Variants in MYH11 observed in about 807,000 individuals in gnomAD.
The protein encoded by MYH11 is myosin-11.
MYH11 carries 80 observed loss-of-function variants against 246.6 expected under a neutral mutation model. That is an observed-to-expected ratio of 0.32 (90% CI 0.27 to 0.39). The LOEUF is 0.39. Ranked by LOEUF, MYH11 falls within the 10% of genes least tolerant of loss-of-function variation. The pLI is 1.00. For missense variants in MYH11, 2,158 were observed against 2,546.8 expected (o/e 0.85, Z 3.29); for synonymous variants, 1,071 against 1,015.5 (o/e 1.05, Z -1.04).
At chr16:15,732,080 G>C (rs763427745) in intron 27 of MYH11, among the ~76,000 whole-genome samples, 1 of 152,110 alleles carries the variant, frequency 6.6e-6, no homozygotes, top group African/African-American at 2.4e-5. Flanking sequence ...TCCTGCCTCA[G>C]CCTCCCGAGT....
chr16:15,708,970 A>C (rs186855703), intron 40 of MYH11: 1 of 1,004,568 alleles, frequency 1.0e-6, no homozygotes, highest in East Asian at 2.6e-5. Flanking sequence ...TTATTTTGAG[A>C]TAGTCTCTGT....
chr16:15,847,366 C>T (rs1198134565), intron 1 of MYH11, among the ~76,000 whole-genome samples: 1 of 151,654 alleles, frequency 6.6e-6, no homozygotes, highest in African/African-American at 2.4e-5. Context: ...TCCTCCCACC[C>T]CAGCCTCCCA....
intron 2 of MYH11, among the ~76,000 whole-genome samples, chr16:15,836,719 CTT>C (rs780997939): frequency 0.023 from 2,189 of 94,936 alleles, 50 homozygotes; most frequent in African/African-American, 0.082. Flanking sequence ...TTTAATGTTT[CTT>C]TTTTTTTTTT....
rs76459240 is a variant in MYH11 at position 15,717,397 on chromosome 16, G to C, written c.5296-49C>G. ...GAGGCGGACTCAGGGAAGCCCAAGA[G>C]AGCGCACTGAGACCATGCCTCTTCC... On this transcript the variant is annotated intron_variant, in intron 37 of 40. Coordinates refer to ENST00000300036, the MANE Select transcript of MYH11 (RefSeq NM_002474.3). The C allele has an allele frequency of 0.032, 50,252 of 1,586,820 alleles. 1,169 individuals carry two copies. The highest frequency in any genetic ancestry group is 0.086 in the South Asian group (7,803 of 90,716).
intron 3 of MYH11, among the ~76,000 whole-genome samples, chr16:15,810,340 T>C: frequency 6.6e-6 from 1 of 152,080 alleles, no homozygotes; most frequent in East Asian, 1.9e-4. Flanking sequence ...TGGCCAATAT[T>C]TACTATTTTA....
chr16:15,787,133 A>G (rs1232179391), intron 4 of MYH11, among the ~76,000 whole-genome samples: 1 of 151,946 alleles, frequency 6.6e-6, no homozygotes, highest in Admixed American at 6.6e-5. Context: ...TTAGCCAGGC[A>G]TGGTGGCACA....
chr16:15,708,064 C>A (rs1280299446), intron 40 of MYH11, among the ~76,000 whole-genome samples: 1 of 152,018 alleles, frequency 6.6e-6, no homozygotes, highest in African/African-American at 2.4e-5. Context: ...TATCCACTCC[C>A]CAGTCCCTGA....
chr16:15,721,676 G>A (rs774334961), intron 31 of MYH11, 42 bp from the exon 32 acceptor site: 596 of 1,604,034 alleles, frequency 3.7e-4, no homozygotes, highest in Non-Finnish European at 4.7e-4. Context: ...GCATATCCGG[G>A]GTCAGCGTCA....
intron 40 of MYH11, chr16:15,711,334 CAG>C (rs377170805): frequency 4.5e-4 from 68 of 152,258 alleles, no homozygotes; most frequent in African/African-American, 1.6e-3. Flanking sequence ...ATTATGATGT[CAG>C]AGAGAGTCTA....
chr16:15,742,222 C>T (rs542823854), intron 20 of MYH11: 1 of 437,448 alleles, frequency 2.3e-6, no homozygotes, highest in Admixed American at 3.5e-5. Context: ...AGGAAAAAGT[C>T]TCATCTTCCC....
chr16:15,825,879 G>A (rs938685027), intron 2 of MYH11, among the ~76,000 whole-genome samples: 2 of 151,890 alleles, frequency 1.3e-5, no homozygotes, highest in Non-Finnish European at 2.9e-5. Context: ...TTCCCCAAAC[G>A]ATAAACATCA....
chr16:15,787,373 A>T (rs1275885001), intron 4 of MYH11, among the ~76,000 whole-genome samples: 4 of 151,976 alleles, frequency 2.6e-5, no homozygotes, highest in African/African-American at 9.7e-5. Flanking sequence ...ACACCACTGC[A>T]CTCCAGCCTG....
intron 9 of MYH11, among the ~76,000 whole-genome samples, chr16:15,765,439 TGATG>T (rs1487665446): frequency 6.6e-6 from 1 of 151,276 alleles, no homozygotes; most frequent in South Asian, 2.1e-4. Flanking sequence ...GATGGATGGA[TGATG>T]GATGGATGAA....
chr16:15,755,000 T>G (rs978405190), intron 14 of MYH11, among the ~76,000 whole-genome samples: 3 of 152,228 alleles, frequency 2.0e-5, no homozygotes, highest in African/African-American at 7.2e-5. Context: ...TTGTCGCAGC[T>G]ACTCAACTCT....
intron 12 of MYH11, 80 bp from the exon 13 acceptor site, chr16:15,758,080 C>A: frequency 1.2e-6 from 2 of 1,600,224 alleles, no homozygotes; most frequent in South Asian, 1.1e-5. Flanking sequence ...AAGCTCCACC[C>A]GACAGCGCCC....
intron 7 of MYH11, among the ~76,000 whole-genome samples, chr16:15,778,467 A>G (rs1004581043): frequency 1.3e-5 from 2 of 152,184 alleles, no homozygotes; most frequent in Non-Finnish European, 2.9e-5. Flanking sequence ...GGCAGGTACC[A>G]TTCATTATCA....
In MYH11 at chr16:15,786,642, G is replaced by T. The variant is rs748471978; in HGVS notation, c.621C>A (p.Asp207Glu). ...VVASSHKGKK[D>E]TSITGELEKQ... The stretch of plus-strand genomic sequence containing the variant: ...AACTGCCACTCACCGTGATACTTGT[G>T]TCTTTCTTGCCCTTGTGGGAGGAGG... Residue 207 changes from aspartate (D) to glutamate (E), a missense_variant, in exon 5 of 41, where the codon GAC becomes GAA. Asp to Glu is a conservative substitution (Grantham distance 45). Transcript: ENST00000300036. 1.2e-6 allele frequency: 2 copies of T among 1,614,014 alleles called. No individual in the cohort carries two copies. The highest frequency in any genetic ancestry group is 1.7e-6 in the Non-Finnish European group (2 of 1,180,008).
rs2040220299 is a variant in MYH11 at position 15,717,414 on chromosome 16, G to T, written c.5296-66C>A. On this transcript the variant is annotated intron_variant, in intron 37 of 40. Transcript: ENST00000300036. ...GCCCAAGAGAGCGCACTGAGACCAT[G>T]CCTCTTCCTGCCTTGTTTGGCCTCT... The T allele has an allele frequency of 3.1e-5, 47 of 1,532,406 alleles. 1 individual carries two copies. The South Asian group carries it at 4.9e-4, about 16-fold the overall frequency. The allele number at this position is 1,532,406 out of a possible 1,614,324, so 94.9% of individuals were successfully genotyped here. A position where few individuals can be genotyped will look rare whatever the true frequency, so the allele number is the denominator to read the frequency against.
intron 27 of MYH11, among the ~76,000 whole-genome samples, chr16:15,730,866 A>G (rs1167919535): frequency 2.6e-5 from 4 of 152,206 alleles, no homozygotes; most frequent in Non-Finnish European, 5.9e-5. Context: ...GCTATTTACC[A>G]GCTCCCACTC....
Sources: gnomAD v4.1 joint callset for allele counts (sites outside exome capture counted in the v4.1 genomes callset) on GRCh38, gnomAD v4.1.1 for gene constraint, MANE v1.5 for transcripts, NCBI Gene and HGNC (gene_info 2026-07-23, HGNC 2026-07-21) for gene names.